DNAH6: variants seen among roughly 807,000 people sequenced by gnomAD.
The protein encoded by DNAH6 is dynein axonemal heavy chain 6.
Under a neutral mutation model 491.4 loss-of-function variants are expected in DNAH6, and 340 were observed. The observed-to-expected ratio is 0.69, with a 90% CI of 0.63 to 0.76. The LOEUF is 0.76. DNAH6 is among the 30% of genes least tolerant of loss of function. DNAH6 has a pLI of 0.00. For synonymous variants in DNAH6, 1,603 were observed against 1,686.1 expected (o/e 0.95, Z 1.21); for missense variants, 4,443 against 4,972.2 (o/e 0.89, Z 3.20).
chr2:84,481,557 A>G, the DNAH6 span, among the ~76,000 whole-genome samples: 1 of 152,182 alleles, frequency 6.6e-6, no homozygotes, highest in Non-Finnish European at 1.5e-5. Context: ...CACCTTGGGA[A>G]GATCACCTAA....
At chr2:84,599,479 T>C (rs1685013668) in intron 18 of DNAH6, among the ~76,000 whole-genome samples, 1 of 152,198 alleles carries the variant, frequency 6.6e-6, no homozygotes, top group Admixed American at 6.5e-5. Flanking sequence ...TGTTTAGGTA[T>C]ATGATCTATT....
intron 22 of DNAH6, among the ~76,000 whole-genome samples, chr2:84,614,118 T>C (rs1334814096): frequency 6.9e-6 from 1 of 144,678 alleles, no homozygotes; most frequent in African/African-American, 2.9e-5. Context: ...GAGATTTTGG[T>C]GCACCCACCA....
In DNAH6 at chr2:84,587,143, T is replaced by C. The variant is rs553708912; in HGVS notation, c.2482-1683T>C. 1.3e-4 allele frequency among the ~76,000 whole-genome samples: 20 copies of C among 152,296 alleles called. No homozygotes were observed. The South Asian group carries it at 4.1e-3, about 32-fold the overall frequency. ...TCAGGTAGGCCCCAGTGTCTGTTGT[T>C]CCTCTCTTTGTGTCCATGTGTTCTC... On this transcript the variant is annotated intron_variant, in intron 15 of 76. Transcript: ENST00000389394.
rs747261308 is a variant in DNAH6, at chr2:84,553,001, A to G, written c.1569A>G (p.Ser523=). ...CAGAACTAATGTTGACAGTCCAGTC[A>G]CTGCTCTTTGAGCCTTCTCTGGAAG... ...FLTELMLTVQ[S]LLFEPSLEDF... Residue 523 remains serine, a synonymous_variant, in exon 10 of 77, where the codon TCA becomes TCG. Transcript: ENST00000389394. 1 of 1,609,574 alleles carries G rather than the reference A, an allele frequency of 6.2e-7. No homozygotes were observed. Among genetic ancestry groups the G allele is most frequent in the Admixed American group, 1.7e-5 (1 of 59,360 alleles).
chr2:84,497,727 T>G, the DNAH6 span, among the ~76,000 whole-genome samples: 3 of 152,246 alleles, frequency 2.0e-5, no homozygotes, highest in African/African-American at 7.2e-5. Flanking sequence ...CATATTTTTA[T>G]GAGTAGGCAT....
rs1249577043 is a variant in DNAH6 at position 84,619,716 on chromosome 2, G to T, written c.3604G>T (p.Glu1202Ter). The T allele has an allele frequency of 1.3e-6, 2 of 1,551,360 alleles. No individual in the cohort carries two copies. The highest frequency in any genetic ancestry group is 4.9e-5 in the East Asian group (2 of 40,904). ...FYFLSNDELL[E>*]ILAQTRNPQA... ...CTTCTTGTCAAATGATGAACTTCTG[G>T]AGATTTTGGCCCAGACACGAAATCC... Residue 1202 changes from glutamate to a stop codon, truncating the protein, a stop_gained, in exon 24 of 77, where the codon GAG (glutamate) becomes TAG (stop). Coordinates refer to ENST00000389394, the MANE Select transcript of DNAH6 (RefSeq NM_001370.2). LOFTEE classifies it high-confidence loss of function.
At chr2:84,708,970 G>T (rs1696788758) in intron 54 of DNAH6, among the ~76,000 whole-genome samples, 1 of 152,174 alleles carries the variant, frequency 6.6e-6, no homozygotes, top group Non-Finnish European at 1.5e-5. Context: ...TCTACTGATT[G>T]CTTGTACACC....
intron 33 of DNAH6, among the ~76,000 whole-genome samples, chr2:84,645,207 G>A (rs906079209): frequency 2.6e-5 from 4 of 152,106 alleles, no homozygotes; most frequent in African/African-American, 9.7e-5. Flanking sequence ...ATCATCTGAG[G>A]TCAGGAGTTT....
At chr2:84,722,235 G>C (rs1043713753) in intron 59 of DNAH6, among the ~76,000 whole-genome samples, 1 of 152,146 alleles carries the variant, frequency 6.6e-6, no homozygotes, top group African/African-American at 2.4e-5. Context: ...ATCTTCCTGG[G>C]TATCCCTTCT....
chr2:84,557,396 C>T (rs1269777411), intron 10 of DNAH6, among the ~76,000 whole-genome samples: 1 of 151,884 alleles, frequency 6.6e-6, no homozygotes, highest in Non-Finnish European at 1.5e-5. Flanking sequence ...CCTGTAATCC[C>T]AGCACTTTGG....
At chr2:84,679,767 G>A (rs1383598707) in intron 41 of DNAH6, among the ~76,000 whole-genome samples, 1 of 152,158 alleles carries the variant, frequency 6.6e-6, no homozygotes, top group Non-Finnish European at 1.5e-5. Flanking sequence ...ACAAATATTT[G>A]TTGAGCACCT....
intron 23 of DNAH6, among the ~76,000 whole-genome samples, chr2:84,617,241 G>T (rs1030446293): frequency 6.6e-6 from 1 of 151,984 alleles, no homozygotes; most frequent in Non-Finnish European, 1.5e-5. Flanking sequence ...TATATTGTAG[G>T]TGTGTTATGG....
chr2:84,560,463 T>A (rs1156855395), intron 11 of DNAH6, among the ~76,000 whole-genome samples: 1 of 151,816 alleles, frequency 6.6e-6, no homozygotes, highest in Non-Finnish European at 1.5e-5. Context: ...TCTTTTTTTT[T>A]TTATTATTAT....
intron 49 of DNAH6, among the ~76,000 whole-genome samples, chr2:84,702,986 A>C (rs1696072328): frequency 6.6e-6 from 1 of 152,182 alleles, no homozygotes; most frequent in South Asian, 2.1e-4. Flanking sequence ...TCTGGACCTC[A>C]TCTCCCTAGG....
At chr2:84,727,533 G>A in intron 60 of DNAH6, 136 bp from the exon 61 acceptor site, 1 of 618,434 alleles carries the variant, frequency 1.6e-6, no homozygotes, top group South Asian at 2.0e-5. Context: ...GAACCTATTG[G>A]GCACATTGAG....
chr2:84,716,192 A>G (rs1369348132), intron 58 of DNAH6, among the ~76,000 whole-genome samples: 2 of 150,468 alleles, frequency 1.3e-5, no homozygotes, highest in Admixed American at 1.3e-4. Context: ...CTTTCTTAGT[A>G]TATTCTGTAT....
chr2:84,504,079 A>G, the DNAH6 span, among the ~76,000 whole-genome samples: 3 of 151,914 alleles, frequency 2.0e-5, no homozygotes, highest in Non-Finnish European at 4.4e-5. Context: ...CTGTAGGCAT[A>G]CTTGTTTTTT....
chr2:84,743,455 C>G (rs1672692450), intron 62 of DNAH6, among the ~76,000 whole-genome samples: 1 of 152,176 alleles, frequency 6.6e-6, no homozygotes, highest in African/African-American at 2.4e-5. Flanking sequence ...CCTTCAGAAA[C>G]TTCCTAATTG....
upstream of DNAH6, among the ~76,000 whole-genome samples, chr2:84,512,448 G>A (rs760387658): frequency 7.2e-5 from 11 of 152,086 alleles, no homozygotes; most frequent in Non-Finnish European, 1.0e-4. Context: ...CATTCATGAG[G>A]TCTCTGCATT....
Sources: gnomAD v4.1 joint callset for allele counts (sites outside exome capture counted in the v4.1 genomes callset) on GRCh38, gnomAD v4.1.1 for gene constraint, MANE v1.5 for transcripts, NCBI Gene and HGNC (gene_info 2026-07-23, HGNC 2026-07-21) for gene names.